NAALADL2: variants seen among roughly 807,000 people sequenced by gnomAD.
NAALADL2 encodes inactive N-acetylated-alpha-linked acidic dipeptidase-like protein 2.
In NAALADL2, 76 loss-of-function variants were observed where a neutral mutation model predicts 87.2. That is an observed-to-expected ratio of 0.87 (90% confidence interval 0.72 to 1.05). NAALADL2 has a LOEUF of 1.05. Ranked by LOEUF, NAALADL2 falls within the 50% of genes least tolerant of loss-of-function variation. NAALADL2 has a pLI of 0.00. For synonymous variants in NAALADL2, 354 were observed against 331.0 expected (o/e 1.07, Z -0.75); for missense variants, 1,089 against 945.8 (o/e 1.15, Z -1.99).
At chr3:175,501,424 G>GACACACACACACACACACACACAC (rs61284771) in intron 9 of NAALADL2, among the ~76,000 whole-genome samples, 3,638 of 148,860 alleles carry the variant, frequency 0.024, 61 homozygotes, top group African/African-American at 0.044. Context: ...ATACGTTTTA[G>GACACACACACACACACACACACAC]ACACACACAC....
intron 1 of NAALADL2, among the ~76,000 whole-genome samples, chr3:174,958,280 T>C (rs1016120598): frequency 6.6e-6 from 1 of 151,818 alleles, no homozygotes; most frequent in Non-Finnish European, 1.5e-5. Flanking sequence ...ATTCCTAAAA[T>C]GTAATAGCAT....
At chr3:175,783,749 A>G (rs1345787222) in intron 13 of NAALADL2, among the ~76,000 whole-genome samples, 1 of 150,976 alleles carries the variant, frequency 6.6e-6, no homozygotes, top group Admixed American at 6.6e-5. Flanking sequence ...GTTGAATAGG[A>G]GTGGTGAGAC....
At chr3:175,420,232 A>G (rs764125666) in intron 5 of NAALADL2, among the ~76,000 whole-genome samples, 1 of 151,988 alleles carries the variant, frequency 6.6e-6, no homozygotes, top group African/African-American at 2.4e-5. Flanking sequence ...TCTCTTCTGC[A>G]TGTTTTAGCC....
At chr3:174,831,041 TG>T (rs1239044269) in intron 3 of NAALADL2, among the ~76,000 whole-genome samples, 1 of 151,136 alleles carries the variant, frequency 6.6e-6, no homozygotes, top group Non-Finnish European at 1.5e-5. Context: ...TATACAATCA[TG>T]TCATCTGCAA....
At chr3:175,110,270 A>G (rs557563381) in intron 2 of NAALADL2, among the ~76,000 whole-genome samples, 18 of 151,862 alleles carry the variant, frequency 1.2e-4, no homozygotes, top group Non-Finnish European at 2.5e-4. Flanking sequence ...AATCATTTAA[A>G]TTAGTTGAAC....
intron 4 of NAALADL2, among the ~76,000 whole-genome samples, chr3:175,310,752 C>T (rs1365467190): frequency 3.3e-5 from 5 of 151,856 alleles, no homozygotes; most frequent in South Asian, 4.1e-4. Context: ...TCTCCTCACC[C>T]CCATCTCTTC....
At chr3:174,940,911 G>T (rs1225571154) in intron 1 of NAALADL2, among the ~76,000 whole-genome samples, 2 of 151,636 alleles carry the variant, frequency 1.3e-5, no homozygotes, top group African/African-American at 4.8e-5. Flanking sequence ...CTTCTTTATT[G>T]GTCTAGCTAG....
In NAALADL2 at chr3:175,731,070, A is replaced by G. The variant is rs559968499; in HGVS notation, c.1897-6236A>G. Among the ~76,000 whole-genome samples, 6 of 152,320 alleles carry G rather than the reference A, an allele frequency of 3.9e-5. No homozygotes were observed. In the South Asian group the frequency reaches 1.2e-3, roughly 32 times the overall value. On this transcript the variant is annotated intron_variant, in intron 11 of 13. Transcript: ENST00000454872. ...GGAAAGAACAGTTGGCAAGAAGTAA[A>G]GAATTTAGAGTCTAGCTTTAGTTTT...
chr3:175,623,974 A>AT lies in NAALADL2; in HGVS notation c.1801-3310dup, dbSNP rs564746365. Among the ~76,000 whole-genome samples the AT allele has an allele frequency of 2.0e-5, 3 of 150,626 alleles. No homozygotes were observed. The South Asian group carries it at 6.3e-4, about 32-fold the overall frequency. ...AAAAAAATACACAGGGAATATTATT[A>AT]TTTTTTTCCTTCCTGATGTGAAATC... On this transcript the variant is annotated intron_variant, in intron 10 of 13. Transcript: ENST00000454872.
At chr3:174,968,913 A>G (rs1743239728) in intron 1 of NAALADL2, among the ~76,000 whole-genome samples, 1 of 152,200 alleles carries the variant, frequency 6.6e-6, no homozygotes, top group Non-Finnish European at 1.5e-5. Flanking sequence ...GAAAATTACT[A>G]TTCTTTGAGG....
At chr3:174,956,530 T>C (rs1458579862) in intron 1 of NAALADL2, among the ~76,000 whole-genome samples, 1 of 152,036 alleles carries the variant, frequency 6.6e-6, no homozygotes, top group Non-Finnish European at 1.5e-5. Flanking sequence ...TTATATAGGG[T>C]TTAGTGAGAT....
At chr3:175,689,308 G>A (rs1432661408) in intron 11 of NAALADL2, among the ~76,000 whole-genome samples, 2 of 152,014 alleles carry the variant, frequency 1.3e-5, no homozygotes, top group Non-Finnish European at 2.9e-5. Context: ...TTGAAAGATA[G>A]AACTGAGAAA....
chr3:175,075,242 TA>T (rs1216848638), intron 1 of NAALADL2, among the ~76,000 whole-genome samples: 1 of 152,272 alleles, frequency 6.6e-6, no homozygotes, highest in African/African-American at 2.4e-5. Flanking sequence ...TAACGTATGC[TA>T]TTATTTTGTG....
At position 175,422,256 on chromosome 3, in the gene NAALADL2, A is replaced by C. The variant is rs376965531; in HGVS notation, c.1091-24973A>C. On this transcript the variant is annotated intron_variant, in intron 5 of 13. Coordinates refer to ENST00000454872, the MANE Select transcript of NAALADL2 (RefSeq NM_207015.3). ...ATGGAGTGATTTGGACAAAAGAAAA[A>C]ATTCAACATATTTTGTAAACAAGTC... 5.9e-5 allele frequency among the ~76,000 whole-genome samples: 9 copies of C among 152,246 alleles called. No individual in the cohort carries two copies. In the East Asian group the frequency reaches 1.2e-3, roughly 20 times the overall value.
chr3:175,133,604 C>T (rs916590191), intron 2 of NAALADL2, among the ~76,000 whole-genome samples: 7 of 152,148 alleles, frequency 4.6e-5, no homozygotes, highest in Admixed American at 6.5e-5. Context: ...CGCCTGCAAT[C>T]GCAGGCACTC....
chr3:175,542,380 T>C (rs1007713481), intron 9 of NAALADL2, among the ~76,000 whole-genome samples: 8 of 152,238 alleles, frequency 5.3e-5, no homozygotes, highest in Non-Finnish European at 1.2e-4. Context: ...CATATGTATC[T>C]GTTTCCTGGC....
rs140168166 is a variant in NAALADL2 at position 175,664,677 on chromosome 3, T to G, written c.1896+37291T>G. ...AATAAAAAGTTAATTTGAATGAATG[T>G]TGAAAATATATTGAATTTAAATTAT... On this transcript the variant is annotated intron_variant, in intron 11 of 13. Coordinates refer to ENST00000454872, the MANE Select transcript of NAALADL2 (RefSeq NM_207015.3). Among the ~76,000 whole-genome samples, 236 of 152,282 alleles carry G rather than the reference T, an allele frequency of 1.5e-3. 1 individual carries two copies. Among genetic ancestry groups the G allele is most frequent in the African/African-American group, 5.3e-3 (220 of 41,586 alleles).
intron 5 of NAALADL2, among the ~76,000 whole-genome samples, chr3:175,340,407 C>G (rs1465262270): frequency 6.6e-6 from 1 of 152,060 alleles, no homozygotes; most frequent in Non-Finnish European, 1.5e-5. Flanking sequence ...TATGATATCT[C>G]TAAATTTGCA....
At chr3:175,042,532 A>G (rs1339334203) in intron 1 of NAALADL2, among the ~76,000 whole-genome samples, 1 of 152,122 alleles carries the variant, frequency 6.6e-6, no homozygotes, top group Non-Finnish European at 1.5e-5. Context: ...TAGTGCCTAT[A>G]CCAATTTATA....
Sources: gnomAD v4.1 joint callset for allele counts (sites outside exome capture counted in the v4.1 genomes callset) on GRCh38, gnomAD v4.1.1 for gene constraint, MANE v1.5 for transcripts, NCBI Gene and HGNC (gene_info 2026-07-23, HGNC 2026-07-21) for gene names.